Variants in TRAPPC12 observed in about 807,000 individuals in gnomAD.
The protein encoded by TRAPPC12 is trafficking protein particle complex subunit 12.
In TRAPPC12, 61 loss-of-function variants were observed where a neutral mutation model predicts 69.2. The ratio of observed to expected loss-of-function variants is 0.88; its 90% CI spans 0.72 to 1.09. The LOEUF is 1.09. Among genes scored for constraint, TRAPPC12 ranks in the 50% least tolerant of loss-of-function variants. The probability of loss-of-function intolerance (pLI) is 0.00; values close to 1 mark genes in which losing one functional copy is unlikely to be tolerated. For missense variants in TRAPPC12, 1,101 were observed against 1,016.4 expected (o/e 1.08, Z -1.13); for synonymous variants, 469 against 438.9 (o/e 1.07, Z -0.86).
rs942525098 is a variant in TRAPPC12, at chr2:3,415,998, G to A, written c.1165-5883G>A. Among the ~76,000 whole-genome samples, 3 of 152,080 alleles carry A rather than the reference G, an allele frequency of 2.0e-5. No homozygotes were observed. In the South Asian group the frequency reaches 6.2e-4, roughly 32 times the overall value. On this transcript the variant is annotated intron_variant, in intron 3 of 11. Transcript: ENST00000324266. The stretch of plus-strand genomic sequence containing the variant: ...CCCAAAGTGCTGGGATTACAGGCGT[G>A]AGCCACCACGCCTGGCCCACTTACT...
At chr2:3,441,123 T>G (rs1359782869) in intron 5 of TRAPPC12, among the ~76,000 whole-genome samples, 2 of 152,232 alleles carry the variant, frequency 1.3e-5, no homozygotes, top group Non-Finnish European at 2.9e-5. Flanking sequence ...GCATTTATGT[T>G]CATGAGACAT....
In TRAPPC12 at chr2:3,388,484, T is replaced by C; in HGVS notation, c.861T>C (p.Phe287=). 6.2e-7 allele frequency: 1 copy of C among 1,612,630 alleles called. No homozygotes were observed. The highest frequency in any genetic ancestry group is 8.5e-7 in the Non-Finnish European group (1 of 1,179,632). Residue 287 remains phenylalanine (F), a synonymous_variant, in exon 2 of 12, where the codon TTT becomes TTC. Transcript: ENST00000324266. ...CTTTCGCGCACATCCAGGCAGTGTT[T>C]GCAGGGAGTGACGACCCCTTTGCCA... The part of the protein sequence containing the change: ...PEPFAHIQAV[F]AGSDDPFATA...
At chr2:3,478,157 CTGGATCCCGTGCTCTGGTGTTCTGTGG>C in intron 10 of TRAPPC12, 1 of 78,804 alleles carries the variant, frequency 1.3e-5, no homozygotes. Context: ...TGTTCTGTGT[CTGGATCCCGTGCTCTGGTGTTCTGTGG>C]TAGAACGCAC....
intron 3 of TRAPPC12, among the ~76,000 whole-genome samples, chr2:3,413,439 G>C (rs557945069): frequency 7.0e-4 from 107 of 152,270 alleles, no homozygotes; most frequent in African/African-American, 2.5e-3. Context: ...AGCACCAGCA[G>C]CTCTTGTTGA....
At chr2:3,444,053 G>A (rs1572169958) in intron 6 of TRAPPC12, among the ~76,000 whole-genome samples, 162 bp downstream of exon 6, 1 of 152,212 alleles carries the variant, frequency 6.6e-6, no homozygotes, top group African/African-American at 2.4e-5. Context: ...CCTGGTAGTC[G>A]TGTCTCTTGC....
intron 8 of TRAPPC12, chr2:3,462,896 A>G (rs1453864312): frequency 6.4e-6 from 3 of 470,910 alleles, no homozygotes; most frequent in Non-Finnish European, 1.3e-5. Context: ...GTGGCTCCGC[A>G]CATGATGGAA....
At chr2:3,416,248 CT>C (rs1456586261) in intron 3 of TRAPPC12, among the ~76,000 whole-genome samples, 2 of 152,132 alleles carry the variant, frequency 1.3e-5, no homozygotes, top group Non-Finnish European at 2.9e-5. Context: ...GAACAGAGAG[CT>C]AAGCCTGCCC....
chr2:3,388,179 G>A lies in TRAPPC12; in HGVS notation c.556G>A (p.Gly186Ser). The A allele has an allele frequency of 1.2e-6, 2 of 1,608,680 alleles. No individual in the cohort carries two copies. The highest frequency in any genetic ancestry group is 1.7e-6 in the Non-Finnish European group (2 of 1,177,686). ...GCAGATGGTGAAGTCGCCCAGCTTC[G>A]GTGGCGCCAGCGAGGCCTCGGCCAG... ...EPQMVKSPSF[G>S]GASEASARTP... The change falls in exon 2 of 12, where the codon GGT becomes AGT. Residue 186 changes from glycine to serine, a missense_variant. Transcript: ENST00000324266.
Position 3,476,387 on chromosome 2 carries a change from C to T in TRAPPC12, c.1777-1308C>T, listed in dbSNP as rs1168906816. On this transcript the variant is annotated intron_variant, in intron 9 of 11. Coordinates refer to ENST00000324266, the MANE Select transcript of TRAPPC12 (RefSeq NM_016030.6). Reference sequence around the variant, plus strand: ...AGAGTGGCATTCTTCCCACCAGCCACGGGGCCCTGATTCCTCAGGGTCTTC... The same window carrying T: ...AGAGTGGCATTCTTCCCACCAGCCATGGGGCCCTGATTCCTCAGGGTCTTC... 5.9e-5 allele frequency among the ~76,000 whole-genome samples: 9 copies of T among 152,196 alleles called. No homozygotes were observed. The South Asian group carries it at 6.2e-4, about 11-fold the overall frequency.
At chr2:3,431,552 C>G (rs551742078) in intron 5 of TRAPPC12, among the ~76,000 whole-genome samples, 3 of 152,162 alleles carry the variant, frequency 2.0e-5, no homozygotes, top group Non-Finnish European at 4.4e-5. Context: ...AGCCATTCTT[C>G]AGATCCCTGT....
At chr2:3,406,050 TC>T (rs1266250821) in intron 3 of TRAPPC12, among the ~76,000 whole-genome samples, 1 of 152,124 alleles carries the variant, frequency 6.6e-6, no homozygotes, top group Non-Finnish European at 1.5e-5. Flanking sequence ...AGAGCAAAGT[TC>T]CCAGCTGTTC....
At chr2:3,413,086 TG>T (rs1662151400) in intron 3 of TRAPPC12, among the ~76,000 whole-genome samples, 1 of 152,248 alleles carries the variant, frequency 6.6e-6, no homozygotes, top group Non-Finnish European at 1.5e-5. Context: ...TCCGGGTTAC[TG>T]GTAGAACTTA....
intron 6 of TRAPPC12, among the ~76,000 whole-genome samples, chr2:3,453,230 A>G (rs941103486): frequency 1.3e-5 from 2 of 152,186 alleles, no homozygotes; most frequent in Admixed American, 1.3e-4. Context: ...TGTAAAATAC[A>G]TCGTCCCCGG....
At chr2:3,402,960 G>A (rs923409049) in intron 3 of TRAPPC12, among the ~76,000 whole-genome samples, 4 of 152,156 alleles carry the variant, frequency 2.6e-5, no homozygotes. Flanking sequence ...TTCTTGAAGG[G>A]GTTTGGAGAG....
At chr2:3,403,451 G>A (rs1268581245) in intron 3 of TRAPPC12, among the ~76,000 whole-genome samples, 1 of 152,068 alleles carries the variant, frequency 6.6e-6, no homozygotes, top group Non-Finnish European at 1.5e-5. Flanking sequence ...GGCTGGTCTT[G>A]AACTCCTGAC....
chr2:3,454,727 C>T (rs1239932197), intron 6 of TRAPPC12: 1 of 152,476 alleles, frequency 6.6e-6, no homozygotes, highest in African/African-American at 2.4e-5. Context: ...CCTCATTCCC[C>T]CTTCTCCCCT....
intron 6 of TRAPPC12, among the ~76,000 whole-genome samples, chr2:3,452,247 G>A (rs752974731): frequency 4.6e-5 from 7 of 152,138 alleles, no homozygotes; most frequent in Non-Finnish European, 7.4e-5. Flanking sequence ...CTTCTTGTGC[G>A]TCTCACAGCA....
chr2:3,436,851 A>T (rs1663820862), intron 5 of TRAPPC12, among the ~76,000 whole-genome samples: 2 of 92,340 alleles, frequency 2.2e-5, no homozygotes, highest in Non-Finnish European at 4.0e-5. Context: ...CCCCAGGATT[A>T]ATACCCCATC....
At chr2:3,478,316 T>TA (rs1666387031) in intron 10 of TRAPPC12, among the ~76,000 whole-genome samples, 1 of 152,236 alleles carries the variant, frequency 6.6e-6, no homozygotes, top group South Asian at 2.1e-4. Context: ...TAGGTGAAGT[T>TA]ACTCTATCTC....
Sources: allele counts gnomAD v4.1 joint callset (sites outside exome capture counted in the v4.1 genomes callset), GRCh38; gene constraint gnomAD v4.1.1; transcripts MANE v1.5; gene names NCBI Gene and HGNC (gene_info 2026-07-23, HGNC 2026-07-21).